The following LGALS12 variants were observed in gnomAD, a reference collection of about 807,000 sequenced individuals.
LGALS12 encodes galectin 12, also known as galectin-12.
In LGALS12, 36 loss-of-function variants were observed where a neutral mutation model predicts 36.8. The observed-to-expected ratio is 0.98, with a 90% CI of 0.75 to 1.29. LGALS12 has a LOEUF of 1.29. Among genes scored for constraint, LGALS12 ranks in the 50% most tolerant of loss-of-function variants. LGALS12 has a pLI of 0.00. For missense variants in LGALS12, 366 were observed against 394.3 expected (o/e 0.93, Z 0.61); for synonymous variants, 145 against 155.9 (o/e 0.93, Z 0.52).
chr11:63,516,291 T>C lies in LGALS12; in HGVS notation c.843T>C (p.Asn281=). 6.2e-7 allele frequency: 1 copy of C among 1,606,558 alleles called. No homozygotes were observed. Among genetic ancestry groups the C allele is most frequent in the Non-Finnish European group, 8.5e-7 (1 of 1,176,550 alleles). The change falls in exon 9 of 9, where the codon AAT becomes AAC. Residue 281 remains asparagine, a synonymous_variant. Coordinates refer to ENST00000394618, the MANE Select transcript of LGALS12 (RefSeq NM_033101.4). ...AGGGAGGGCTGAAGCTGGCGCTCAA[T>C]GGGCAGGGGCTGGGGGCCACCAGCA... The part of the protein sequence containing the change: ...FQEGGLKLAL[N]GQGLGATSMN...
Position 63,516,535 on chromosome 11 carries a change from C to T in LGALS12, c.*142C>T, listed in dbSNP as rs531804937. The T allele has an allele frequency of 3.1e-5, 31 of 992,916 alleles. No individual in the cohort carries two copies. Among genetic ancestry groups the T allele is most frequent in the African/African-American group, 3.0e-4 (19 of 62,356 alleles). 61.5% of individuals were successfully genotyped at this position (992,916 alleles called of 1,614,324 possible). ...CTCTGGGGTCACGAGACTGAGTCTA[C>T]AGGAGCTTTGGGCCTGAGGGAAGGC... On this transcript the variant is annotated 3_prime_UTR_variant, in exon 9 of 9. Coordinates refer to ENST00000394618, the MANE Select transcript of LGALS12 (RefSeq NM_033101.4).
At chr11:63,508,199 G>C in intron 1 of LGALS12, 1 of 1,142,154 alleles carries the variant, frequency 8.8e-7, no homozygotes, top group Non-Finnish European at 1.1e-6. Flanking sequence ...GAAAGCCCCA[G>C]TACCAGGCTT....
chr11:63,506,666 C>T (rs1236114331), intron 1 of LGALS12, 139 bp downstream of exon 1: 2 of 1,090,162 alleles, frequency 1.8e-6, no homozygotes, highest in Non-Finnish European at 1.3e-6. Flanking sequence ...TTCTGGAAGG[C>T]CCTCCTGAGC....
rs142986852 is a variant in LGALS12 at position 63,515,977 on chromosome 11, G to A, written c.798+264G>A. On this transcript the variant is annotated intron_variant, in intron 8 of 8. Transcript: ENST00000394618. ...ATTAAAAAGCTCCCCTAATGATTCC[G>A]ACGTGCAGAACCACTCCTCTACAGG... Among the ~76,000 whole-genome samples the A allele has an allele frequency of 1.8e-3, 279 of 152,254 alleles. 2 individuals carry two copies. Among genetic ancestry groups the A allele is most frequent in the African/African-American group, 6.2e-3 (256 of 41,546 alleles).
intron 4 of LGALS12, 81 bp downstream of exon 4, chr11:63,509,978 C>T: frequency 2.6e-6 from 4 of 1,515,764 alleles, no homozygotes; most frequent in African/African-American, 1.4e-5. Context: ...GGACCCCTTC[C>T]TCCACCCTAG....
chr11:63,510,798 G>C (rs934008215), intron 5 of LGALS12, among the ~76,000 whole-genome samples: 3 of 152,230 alleles, frequency 2.0e-5, no homozygotes, highest in Non-Finnish European at 4.4e-5. Flanking sequence ...TCTGCAAGGT[G>C]GCTGGGGTTG....
intron 1 of LGALS12, among the ~76,000 whole-genome samples, chr11:63,507,555 G>A (rs369087002): frequency 3.5e-4 from 54 of 152,188 alleles, no homozygotes; most frequent in African/African-American, 1.3e-3. Context: ...GGCCAAGCCA[G>A]CCACATGAGC....
Position 63,516,697 on chromosome 11 carries a change from A to C in LGALS12, c.*304A>C. On this transcript the variant is annotated 3_prime_UTR_variant, in exon 9 of 9. Coordinates refer to ENST00000394618, the MANE Select transcript of LGALS12 (RefSeq NM_033101.4). Reference sequence around the variant, plus strand: ...ACTAACAAAGATACTCCAAAATACAATGGCTTAAAGAATGTGGTCATTTAT... The same window carrying C: ...ACTAACAAAGATACTCCAAAATACACTGGCTTAAAGAATGTGGTCATTTAT... 5.0e-5 allele frequency: 17 copies of C among 339,006 alleles called. No individual in the cohort carries two copies. The highest frequency in any genetic ancestry group is 6.6e-5 in the East Asian group (1 of 15,108). 21.0% of individuals were successfully genotyped at this position (339,006 alleles called of 1,614,324 possible).
intron 1 of LGALS12, chr11:63,508,201 A>AGAAAGCC: frequency 8.8e-7 from 1 of 1,142,578 alleles, no homozygotes; most frequent in South Asian, 2.2e-5. Context: ...AAGCCCCAGT[A>AGAAAGCC]CCAGGCTTCT....
intron 1 of LGALS12, 104 bp from the exon 2 acceptor site, chr11:63,508,449 G>A: frequency 1.3e-6 from 2 of 1,508,034 alleles, no homozygotes; most frequent in Non-Finnish European, 1.8e-6. Flanking sequence ...GTTTGGAGAG[G>A]AAAAGTTGAG....
intron 7 of LGALS12, among the ~76,000 whole-genome samples, chr11:63,512,668 A>G (rs1391467558): frequency 6.6e-6 from 1 of 151,936 alleles, no homozygotes; most frequent in African/African-American, 2.4e-5. Context: ...GCATGCCTGT[A>G]ATCCCAGCTA....
At chr11:63,513,740 T>C (rs1393017763) in intron 7 of LGALS12, among the ~76,000 whole-genome samples, 1 of 152,208 alleles carries the variant, frequency 6.6e-6, no homozygotes, top group Non-Finnish European at 1.5e-5. Flanking sequence ...AGTGAAAATC[T>C]ATCCCTCCTT....
rs969101771 is a variant in LGALS12, at chr11:63,509,819, G to A, written c.414G>A (p.Arg138=). Residue 138 remains arginine (R), a synonymous_variant, in exon 4 of 9, where the codon CGG becomes CGA. Transcript: ENST00000394618. ...AGCACTTTCTCCACTTCCGCTACCG[G>A]CTCCCACTGTCTCATGTGGACACGC... ...NGQHFLHFRY[R]LPLSHVDTLG... 2 of 1,614,002 alleles carry A rather than the reference G, an allele frequency of 1.2e-6. No individual in the cohort carries two copies. Among genetic ancestry groups the A allele is most frequent in the Non-Finnish European group, 1.7e-6 (2 of 1,179,994 alleles).
rs1255177996 is a variant in LGALS12 at position 63,506,406 on chromosome 11, G to A, written c.-53G>A. The A allele has an allele frequency of 6.2e-7, 1 of 1,614,094 alleles. No homozygotes were observed. ...TGACTGGGGCAGATGAGTCAGCCCA[G>A]TGGGGGCAGGGCTCCTGGAACGAGG... On this transcript the variant is annotated 5_prime_UTR_variant, in exon 1 of 9. In the 5' UTR this introduces an upstream ATG that the reference lacks. Coordinates refer to ENST00000394618, the MANE Select transcript of LGALS12 (RefSeq NM_033101.4).
At chr11:63,506,965 A>G (rs1477652664) in intron 1 of LGALS12, among the ~76,000 whole-genome samples, 1 of 152,188 alleles carries the variant, frequency 6.6e-6, no homozygotes, top group African/African-American at 2.4e-5. Context: ...TCAGTGCCCA[A>G]GAGGTTTTCT....
intron 6 of LGALS12, 67 bp from the exon 7 acceptor site, chr11:63,511,685 C>CG (rs1565227029): frequency 2.6e-6 from 3 of 1,164,754 alleles, no homozygotes; most frequent in Non-Finnish European, 3.8e-6. Flanking sequence ...CCCTGGCCCC[C>CG]GGGGATGGGC....
Position 63,509,670 on chromosome 11 carries a change from G to A in LGALS12, c.373-108G>A, listed in dbSNP as rs138438890. The A allele has an allele frequency of 4.9e-6, 6 of 1,232,820 alleles. No homozygotes were observed. The African/African-American group carries it at 8.9e-5, about 18-fold the overall frequency. 76.4% of individuals were successfully genotyped at this position (1,232,820 alleles called of 1,614,324 possible). On this transcript the variant is annotated intron_variant, in intron 3 of 8. Transcript: ENST00000394618. ...ACCTACCTCATAGAGATGACGTGAAGTTAAGTGAGGCAAAATTGAGGAAAA... is the reference window on the plus strand; with the variant it reads ...ACCTACCTCATAGAGATGACGTGAAATTAAGTGAGGCAAAATTGAGGAAAA...
intron 7 of LGALS12, among the ~76,000 whole-genome samples, 198 bp downstream of exon 7, chr11:63,512,038 G>T (rs891543586): frequency 2.0e-5 from 3 of 152,236 alleles, no homozygotes; most frequent in Admixed American, 6.5e-5. Flanking sequence ...GGGACCGACA[G>T]CCCCACTGCT....
Position 63,511,746 on chromosome 11 carries a change from C to G in LGALS12, c.559-6C>G, listed in dbSNP as rs760545431. On this transcript the variant is annotated splice_polypyrimidine_tract_variant and splice_region_variant and intron_variant, in intron 6 of 8. Coordinates refer to ENST00000394618, the MANE Select transcript of LGALS12 (RefSeq NM_033101.4). ...CAACTTCTCAATACCTCCCTTGTTCCTTCAGGAGGTGCCCTGCTCACATGC... is the reference window on the plus strand; with the variant it reads ...CAACTTCTCAATACCTCCCTTGTTCGTTCAGGAGGTGCCCTGCTCACATGC... 1 of 1,606,916 alleles carries G rather than the reference C, an allele frequency of 6.2e-7. No individual in the cohort carries two copies. The highest frequency in any genetic ancestry group is 8.5e-7 in the Non-Finnish European group (1 of 1,173,780).
Sources: gnomAD v4.1 joint callset for allele counts (sites outside exome capture counted in the v4.1 genomes callset) on GRCh38, gnomAD v4.1.1 for gene constraint, MANE v1.5 for transcripts, NCBI Gene and HGNC (gene_info 2026-07-23, HGNC 2026-07-21) for gene names.